NXN: variants seen among roughly 807,000 people sequenced by gnomAD.
NXN encodes nucleoredoxin.
Under a neutral mutation model 48.6 loss-of-function variants are expected in NXN, and 16 were observed. The observed-to-expected ratio is 0.33, with a 90% confidence interval of 0.22 to 0.50. The LOEUF (loss-of-function observed/expected upper bound fraction) is 0.50, where lower values mean the gene tolerates loss of function less well. Among genes scored for constraint, NXN ranks in the 20% least tolerant of loss-of-function variants. NXN has a pLI of 0.98. For missense variants in NXN, 492 were observed against 605.5 expected, an observed-to-expected ratio of 0.81 and a Z score of 1.97; for synonymous variants, 281 against 269.6, an observed-to-expected ratio of 1.04 and a Z score of -0.41.
At chr17:918,867 T>TA (rs1354884979) in intron 1 of NXN, among the ~76,000 whole-genome samples, 2 of 150,342 alleles carry the variant, frequency 1.3e-5, no homozygotes, top group East Asian at 3.9e-4. Flanking sequence ...GAAAACAAAG[T>TA]AAGTTAAACT....
intron 1 of NXN, among the ~76,000 whole-genome samples, chr17:924,149 C>A (rs954460647): frequency 1.3e-5 from 2 of 151,948 alleles, no homozygotes; most frequent in Admixed American, 1.3e-4. Flanking sequence ...GCTCAAGGGT[C>A]TTCCCACCTC....
intron 1 of NXN, among the ~76,000 whole-genome samples, chr17:916,697 T>C (rs2068691634): frequency 6.6e-6 from 1 of 152,122 alleles, no homozygotes; most frequent in Admixed American, 6.5e-5. Context: ...CCAGCACTTT[T>C]GGAGGCCGAG....
In NXN at chr17:813,966, TA is replaced by T. The variant is rs940525824; in HGVS notation, c.820+5472del. On this transcript the variant is annotated intron_variant, in intron 5 of 7. Coordinates refer to ENST00000336868, the MANE Select transcript of NXN (RefSeq NM_022463.5). ...CTGGGTAACAGAGCAAGACTCTGTC[TA>T]AAAAAAAAAAGAGCCGGGCACGGTG... 7.6e-3 allele frequency among the ~76,000 whole-genome samples: 858 copies of T among 113,130 alleles called. 7 individuals are homozygous for T. Among genetic ancestry groups the T allele is most frequent in the African/African-American group, 0.026 (763 of 29,840 alleles). The allele number at this position is 113,130 out of a possible 152,430, so 74.2% of individuals were successfully genotyped here.
intron 1 of NXN, among the ~76,000 whole-genome samples, chr17:883,756 G>A (rs1219027127): frequency 6.6e-6 from 1 of 152,228 alleles, no homozygotes; most frequent in Admixed American, 6.5e-5. Flanking sequence ...GAAGTGGGAG[G>A]CAGCAAAGCC....
intron 1 of NXN, among the ~76,000 whole-genome samples, chr17:843,601 A>G (rs1385978168): frequency 6.6e-6 from 1 of 152,166 alleles, no homozygotes; most frequent in African/African-American, 2.4e-5. Context: ...GGGAGTTTGC[A>G]TAGGAGGGGG....
chr17:901,383 C>A (rs1460005881), intron 1 of NXN, among the ~76,000 whole-genome samples: 1 of 152,168 alleles, frequency 6.6e-6, no homozygotes, highest in Non-Finnish European at 1.5e-5. Context: ...CCTTTCCTCT[C>A]CGCAGTTTAT....
Position 858,892 on chromosome 17 carries a change from C to T in NXN, c.361-32814G>A, listed in dbSNP as rs375855704. Among the ~76,000 whole-genome samples, 5 of 152,154 alleles carry T rather than the reference C, an allele frequency of 3.3e-5. 1 individual carries two copies. The highest frequency in any genetic ancestry group is 7.4e-5 in the Non-Finnish European group (5 of 68,022). On this transcript the variant is annotated intron_variant, in intron 1 of 7. Transcript: ENST00000336868. ...CTCACTCTGTTAATTTGCTCGATTGCCCTCAGGCTTCTCTTTCTATCCCAT... is the reference window on the plus strand; with the variant it reads ...CTCACTCTGTTAATTTGCTCGATTGTCCTCAGGCTTCTCTTTCTATCCCAT...
At chr17:832,986 G>A (rs2144676446) in intron 1 of NXN, among the ~76,000 whole-genome samples, 1 of 152,172 alleles carries the variant, frequency 6.6e-6, no homozygotes, top group Middle Eastern at 3.4e-3. Context: ...CGCCTCCTGG[G>A]TTCACACCAT....
chr17:850,651 G>A (rs1018433518), intron 1 of NXN, among the ~76,000 whole-genome samples: 4 of 152,276 alleles, frequency 2.6e-5, no homozygotes, highest in South Asian at 4.1e-4. Flanking sequence ...TGGGGGCCCC[G>A]GGAGCTGAGT....
intron 1 of NXN, among the ~76,000 whole-genome samples, chr17:959,621 C>A (rs7406737): frequency 0.88 from 132,802 of 151,096 alleles, 60,425 homozygotes; most frequent in Non-Finnish European, 0.99. Context: ...ACATGGTGAA[C>A]CCCTTTCTAC....
At position 963,847 on chromosome 17, in the gene NXN, G is replaced by A. The variant is rs180693924; in HGVS notation, c.360+15472C>T. ...CATCCCAGCACTTTGGGAGGCCGAGGAGGGCAGATCACGAGGTCAGGAGAT... is the reference window on the plus strand; with the variant it reads ...CATCCCAGCACTTTGGGAGGCCGAGAAGGGCAGATCACGAGGTCAGGAGAT... On this transcript the variant is annotated intron_variant, in intron 1 of 7. Coordinates refer to ENST00000336868, the MANE Select transcript of NXN (RefSeq NM_022463.5). 4.3e-3 allele frequency among the ~76,000 whole-genome samples: 657 copies of A among 152,272 alleles called. 5 individuals are homozygous for A. The highest frequency in any genetic ancestry group is 0.015 in the African/African-American group (616 of 41,560).
At chr17:822,250 G>A in intron 4 of NXN, 107 bp downstream of exon 4, 4 of 767,950 alleles carry the variant, frequency 5.2e-6, no homozygotes, top group Non-Finnish European at 8.7e-6. Flanking sequence ...CTGCACTCCA[G>A]CCTGGGAGAC....
intron 1 of NXN, among the ~76,000 whole-genome samples, chr17:960,353 CT>C (rs1403669839): frequency 6.6e-6 from 1 of 151,854 alleles, no homozygotes; most frequent in Non-Finnish European, 1.5e-5. Flanking sequence ...ACCGCCAACC[CT>C]TTTTTTTGTG....
At chr17:911,307 C>T (rs1327341243) in intron 1 of NXN, 3 of 148,918 alleles carry the variant, frequency 2.0e-5, no homozygotes, top group Non-Finnish European at 4.5e-5. Context: ...TAGCCAGGAA[C>T]AGTCTGTTTC....
chr17:842,950 AG>A (rs1176690802), intron 1 of NXN, among the ~76,000 whole-genome samples: 1 of 148,818 alleles, frequency 6.7e-6, no homozygotes, highest in African/African-American at 2.5e-5. Context: ...AAAAAAAGAA[AG>A]GAAAGAAAGA....
rs998859345 is a variant in NXN, at chr17:886,986, C to T, written c.361-60908G>A. 5.3e-5 allele frequency among the ~76,000 whole-genome samples: 8 copies of T among 151,916 alleles called. No homozygotes were observed. In the East Asian group the frequency reaches 5.8e-4, roughly 11 times the overall value. On this transcript the variant is annotated intron_variant, in intron 1 of 7. Coordinates refer to ENST00000336868, the MANE Select transcript of NXN (RefSeq NM_022463.5). ...GAGTGCAGTGGAGTGATCATGGCTA[C>T]GGCCTTAACCTCCTGGGCTCAAGCA...
intron 1 of NXN, among the ~76,000 whole-genome samples, chr17:969,559 TCC>T (rs2069348000): frequency 6.6e-6 from 1 of 152,196 alleles, no homozygotes; most frequent in African/African-American, 2.4e-5. Flanking sequence ...CTGCGATTTT[TCC>T]CTATTGCACG....
chr17:853,055 G>A (rs1051030823), intron 1 of NXN, among the ~76,000 whole-genome samples: 2 of 151,700 alleles, frequency 1.3e-5, no homozygotes, highest in African/African-American at 4.8e-5. Context: ...TCAGCTCACT[G>A]CAAGCTCCAC....
At chr17:838,117 CCTTT>C (rs1156464620) in intron 1 of NXN, among the ~76,000 whole-genome samples, 1 of 145,354 alleles carries the variant, frequency 6.9e-6, no homozygotes, top group Non-Finnish European at 1.5e-5. Context: ...ACTGAATTTT[CCTTT>C]CCTTCTTTTT....
Sources: gnomAD v4.1 joint callset for allele counts (sites outside exome capture counted in the v4.1 genomes callset) on GRCh38, gnomAD v4.1.1 for gene constraint, MANE v1.5 for transcripts, NCBI Gene and HGNC (gene_info 2026-07-23, HGNC 2026-07-21) for gene names.